The following TGFA variants were observed in gnomAD, a reference collection of about 807,000 sequenced individuals.
TGFA encodes the protein protransforming growth factor alpha.
TGFA carries 12 observed loss-of-function variants against 21.7 expected under a neutral mutation model. The observed-to-expected ratio is 0.55, with a 90% confidence interval of 0.35 to 0.90. TGFA has a LOEUF of 0.90. Ranked by LOEUF, TGFA falls within the 40% of genes least tolerant of loss-of-function variation. The pLI, the probability that TGFA is intolerant of heterozygous loss-of-function variation, is 0.01. For synonymous variants in TGFA, 79 were observed against 88.1 expected (o/e 0.90, Z 0.58); for missense variants, 178 against 210.8 (o/e 0.84, Z 0.96).
At chr2:70,450,942 G>C in intron 5 of TGFA, 76 bp from the exon 6 acceptor site, 1 of 1,545,620 alleles carries the variant, frequency 6.5e-7, no homozygotes, top group Non-Finnish European at 8.8e-7. Flanking sequence ...TTAGGAAAGA[G>C]ACTTGGAGAT....
intron 3 of TGFA, among the ~76,000 whole-genome samples, chr2:70,461,034 A>T (rs1670391021): frequency 6.6e-6 from 1 of 152,116 alleles, no homozygotes; most frequent in African/African-American, 2.4e-5. Flanking sequence ...ATAGGCAGCA[A>T]TTGCTCTCTA....
chr2:70,543,802 C>T (rs1553505511), intron 1 of TGFA, among the ~76,000 whole-genome samples: 2 of 151,980 alleles, frequency 1.3e-5, no homozygotes. Flanking sequence ...ACTAGCAGAA[C>T]ACAAAAAAGA....
At chr2:70,453,437 C>T (rs62149639) in intron 4 of TGFA, 110 bp from the exon 5 acceptor site, 3 of 715,192 alleles carry the variant, frequency 4.2e-6, no homozygotes, top group Non-Finnish European at 6.6e-6. Flanking sequence ...AAACCAGCTC[C>T]AAACCAGCTC....
chr2:70,521,004 C>T (rs778927837), intron 1 of TGFA, among the ~76,000 whole-genome samples: 17 of 152,118 alleles, frequency 1.1e-4, no homozygotes, highest in Non-Finnish European at 8.8e-5. Flanking sequence ...ATCCATCCCC[C>T]TGCATCCCTG....
At chr2:70,552,891 C>T (rs1372855649) in intron 1 of TGFA, among the ~76,000 whole-genome samples, 9 of 152,254 alleles carry the variant, frequency 5.9e-5, no homozygotes, top group African/African-American at 2.2e-4. Context: ...GACCCACCAG[C>T]ACAAGGGGCA....
At chr2:70,453,722 T>A (rs1176241937) in intron 4 of TGFA, among the ~76,000 whole-genome samples, 4 of 152,166 alleles carry the variant, frequency 2.6e-5, no homozygotes, top group African/African-American at 9.7e-5. Context: ...AGTGGCCACC[T>A]CCAGCTGGCA....
intron 2 of TGFA, among the ~76,000 whole-genome samples, chr2:70,501,592 ACT>A (rs1318915214): frequency 1.3e-5 from 2 of 151,500 alleles, no homozygotes; most frequent in Non-Finnish European, 2.9e-5. Flanking sequence ...GTACCGAAGA[ACT>A]CTCTTTTTCT....
intron 2 of TGFA, among the ~76,000 whole-genome samples, chr2:70,478,921 C>T (rs542128163): frequency 1.1e-4 from 17 of 152,000 alleles, no homozygotes; most frequent in Non-Finnish European, 2.4e-4. Context: ...TTTATTTTCT[C>T]AATTATCAAT....
chr2:70,501,051 C>T (rs1671724637), intron 2 of TGFA, among the ~76,000 whole-genome samples: 1 of 150,468 alleles, frequency 6.6e-6, no homozygotes, highest in Admixed American at 6.6e-5. Flanking sequence ...AGTTTCAGAT[C>T]TTACTTTTAA....
intron 2 of TGFA, among the ~76,000 whole-genome samples, chr2:70,506,006 C>T (rs1671913308): frequency 6.6e-6 from 1 of 152,150 alleles, no homozygotes; most frequent in African/African-American, 2.4e-5. Context: ...CAGGTCTCTT[C>T]ATCAGTAAAT....
At position 70,449,023 on chromosome 2, in the gene TGFA, A is replaced by G. The variant is rs1666972293; in HGVS notation, c.*1836T>C. On this transcript the variant is annotated 3_prime_UTR_variant, in exon 6 of 6. Coordinates refer to ENST00000295400, the MANE Select transcript of TGFA (RefSeq NM_003236.4). ...AAGCCTCAACCCACATATCTGGCCC[A>G]AGGGATGTAAACTTGAACTTATTTT... 6.6e-6 allele frequency: 1 copy of G among 152,194 alleles called. No individual in the cohort carries two copies. The highest frequency in any genetic ancestry group is 1.5e-5 in the Non-Finnish European group (1 of 68,050). The allele number at this position is 152,194 out of a possible 1,614,324, so 9.4% of individuals were successfully genotyped here.
intron 1 of TGFA, among the ~76,000 whole-genome samples, chr2:70,530,463 C>T (rs180814144): frequency 3.3e-5 from 5 of 152,294 alleles, no homozygotes; most frequent in East Asian, 1.9e-4. Flanking sequence ...TAAGAACACA[C>T]ATAAAATACA....
chr2:70,456,456 T>TCACAGCGTG lies in TGFA; in HGVS notation c.239_247dup (p.Ala80_Cys82dup). The TCACAGCGTG allele has an allele frequency of 6.2e-7, 1 of 1,608,198 alleles. No homozygotes were observed. The highest frequency in any genetic ancestry group is 8.5e-7 in the Non-Finnish European group (1 of 1,177,538). ...CACCACGGCCAGGAGGTCCGCATGCTCACAGCGTGCACCAACGTACCCAGA... is the reference window on the plus strand; with the variant it reads ...CACCACGGCCAGGAGGTCCGCATGCTCACAGCGTGCACAGCGTGCACCAACGTACCCAGA... On this transcript the variant is annotated inframe_insertion, in exon 4 of 6. Coordinates refer to ENST00000295400, the MANE Select transcript of TGFA (RefSeq NM_003236.4).
intron 2 of TGFA, among the ~76,000 whole-genome samples, chr2:70,486,662 A>T (rs1307758736): frequency 6.6e-6 from 1 of 151,782 alleles, no homozygotes; most frequent in Non-Finnish European, 1.5e-5. Flanking sequence ...GAGGATTTGC[A>T]TGTTGCCTAG....
chr2:70,455,738 C>T (rs1670208178), intron 4 of TGFA, among the ~76,000 whole-genome samples: 1 of 152,130 alleles, frequency 6.6e-6, no homozygotes, highest in South Asian at 2.1e-4. Flanking sequence ...GCAGTCCAGT[C>T]AGGAGATGTG....
intron 2 of TGFA, among the ~76,000 whole-genome samples, chr2:70,481,189 C>T (rs1281202757): frequency 6.6e-6 from 1 of 152,164 alleles, no homozygotes; most frequent in African/African-American, 2.4e-5. Flanking sequence ...GTTGGAGGTA[C>T]TCACAGCTAA....
chr2:70,467,229 A>G (rs1553492457), intron 2 of TGFA, among the ~76,000 whole-genome samples: 1 of 152,246 alleles, frequency 6.6e-6, no homozygotes, highest in Non-Finnish European at 1.5e-5. Flanking sequence ...AAGATTACTT[A>G]AAGCAAGAAA....
At chr2:70,502,977 G>A (rs893769925) in intron 2 of TGFA, among the ~76,000 whole-genome samples, 2 of 152,298 alleles carry the variant, frequency 1.3e-5, no homozygotes, top group East Asian at 3.9e-4. Flanking sequence ...GAGTGGTTAA[G>A]AAACGGAACT....
chr2:70,503,262 A>G (rs1671791400), intron 2 of TGFA, among the ~76,000 whole-genome samples: 1 of 152,288 alleles, frequency 6.6e-6, no homozygotes, highest in Non-Finnish European at 1.5e-5. Context: ...TGATGAGTTC[A>G]TGTCCTTTGT....
Sources: allele counts gnomAD v4.1 joint callset (sites outside exome capture counted in the v4.1 genomes callset), GRCh38; gene constraint gnomAD v4.1.1; transcripts MANE v1.5; gene names NCBI Gene and HGNC (gene_info 2026-07-23, HGNC 2026-07-21).